NPAS3: variants seen among roughly 807,000 people sequenced by gnomAD.
NPAS3 encodes the protein neuronal PAS domain protein 3.
In NPAS3, 14 loss-of-function variants were observed where a neutral mutation model predicts 73.1. That is an observed-to-expected ratio of 0.19 (90% CI 0.13 to 0.30). The LOEUF is 0.30. Ranked by LOEUF, NPAS3 falls within the 10% of genes least tolerant of loss-of-function variation. The pLI is 1.00. For missense variants in NPAS3, 1,096 were observed against 1,250.0 expected (o/e 0.88, Z 1.86); for synonymous variants, 620 against 541.5 (o/e 1.14, Z -2.01).
chr14:33,298,079 C>G (rs1325123991), intron 3 of NPAS3, among the ~76,000 whole-genome samples: 4 of 152,002 alleles, frequency 2.6e-5, no homozygotes, highest in Admixed American at 1.3e-4. Flanking sequence ...GTCAGGAGTT[C>G]GAGACCAGCC....
At chr14:33,208,788 G>A (rs1295586955) in intron 2 of NPAS3, among the ~76,000 whole-genome samples, 4 of 152,120 alleles carry the variant, frequency 2.6e-5, no homozygotes, top group African/African-American at 9.7e-5. Flanking sequence ...ATGAAATTTT[G>A]CTGCTATGTT....
chr14:33,481,556 C>A (rs2051325228), intron 4 of NPAS3, among the ~76,000 whole-genome samples: 1 of 152,130 alleles, frequency 6.6e-6, no homozygotes, highest in Non-Finnish European at 1.5e-5. Flanking sequence ...TTAATTAGAT[C>A]ATTTACTGAC....
At chr14:33,411,023 CA>C (rs2047899405) in intron 4 of NPAS3, among the ~76,000 whole-genome samples, 1 of 152,172 alleles carries the variant, frequency 6.6e-6, no homozygotes, top group South Asian at 2.1e-4. Context: ...CTCTTGAACC[CA>C]GACTTATCAG....
At chr14:33,485,086 C>T (rs1181328021) in intron 4 of NPAS3, among the ~76,000 whole-genome samples, 1 of 152,070 alleles carries the variant, frequency 6.6e-6, no homozygotes, top group Non-Finnish European at 1.5e-5. Flanking sequence ...TAGGTATAAA[C>T]ACAAAACTAG....
chr14:33,557,080 C>T (rs940674633), intron 4 of NPAS3, among the ~76,000 whole-genome samples: 9 of 152,118 alleles, frequency 5.9e-5, no homozygotes, highest in Middle Eastern at 3.2e-3. Context: ...CAGGAGACAT[C>T]TTGTTTGAGG....
At chr14:33,013,029 T>C (rs1595225241) in intron 1 of NPAS3, among the ~76,000 whole-genome samples, 1 of 152,142 alleles carries the variant, frequency 6.6e-6, no homozygotes, top group East Asian at 1.9e-4. Context: ...TACCCTTGTG[T>C]GAGAGCAAAT....
At chr14:33,683,525 C>G (rs1377921130) in intron 6 of NPAS3, among the ~76,000 whole-genome samples, 3 of 145,442 alleles carry the variant, frequency 2.1e-5, no homozygotes, top group African/African-American at 7.6e-5. Context: ...GAACAAAGTA[C>G]AAGTTATTTG....
intron 3 of NPAS3, among the ~76,000 whole-genome samples, chr14:33,245,623 T>A (rs1359979432): frequency 6.6e-6 from 1 of 152,204 alleles, no homozygotes; most frequent in East Asian, 1.9e-4. Flanking sequence ...GAAATGGATA[T>A]GCTCTATCCA....
At position 33,436,132 on chromosome 14, in the gene NPAS3, T is replaced by C. The variant is rs188619614; in HGVS notation, c.468+68864T>C. Among the ~76,000 whole-genome samples the C allele has an allele frequency of 3.1e-4, 47 of 152,260 alleles. No homozygotes were observed. In the East Asian group the frequency reaches 5.8e-3, roughly 19 times the overall value. ...GCCTGAAGTTGAGTCATCTTAGTCA[T>C]AGAAGGGGAGTGGTGGAAAGAAAGC... On this transcript the variant is annotated intron_variant, in intron 4 of 11. Transcript: ENST00000356141.
chr14:33,433,346 A>G (rs1045690006), intron 4 of NPAS3, among the ~76,000 whole-genome samples: 1 of 152,230 alleles, frequency 6.6e-6, no homozygotes, highest in South Asian at 2.1e-4. Context: ...ACAAGATGGT[A>G]TAGGGAAACC....
chr14:33,274,261 C>T (rs977591244), intron 3 of NPAS3, among the ~76,000 whole-genome samples: 1 of 152,160 alleles, frequency 6.6e-6, no homozygotes, highest in Non-Finnish European at 1.5e-5. Flanking sequence ...TACACAGTTA[C>T]AGTTCACTAT....
rs144675426 is a variant in NPAS3, at chr14:32,955,554, C to A, written c.50+16188C>A. 1.2e-4 allele frequency among the ~76,000 whole-genome samples: 18 copies of A among 152,170 alleles called. No homozygotes were observed. The East Asian group carries it at 3.5e-3, about 29-fold the overall frequency. Reference sequence around the variant, plus strand: ...GATATCCATAACCAATATTGAGGACCATTAACCAAAATGATGGATGATGAA... The same window carrying A: ...GATATCCATAACCAATATTGAGGACAATTAACCAAAATGATGGATGATGAA... On this transcript the variant is annotated intron_variant, in intron 1 of 11. Coordinates refer to ENST00000356141, the Ensembl canonical transcript of NPAS3.
At chr14:32,943,835 C>T (rs1227695962) in intron 1 of NPAS3, among the ~76,000 whole-genome samples, 1 of 152,000 alleles carries the variant, frequency 6.6e-6, no homozygotes, top group Admixed American at 6.6e-5. Context: ...ACTACAGGCA[C>T]ATGCCAATAC....
At chr14:33,628,956 G>C (rs1240523947) in intron 5 of NPAS3, among the ~76,000 whole-genome samples, 1 of 152,324 alleles carries the variant, frequency 6.6e-6, no homozygotes, top group Non-Finnish European at 1.5e-5. Context: ...AGCGGGCCGG[G>C]CGCAGTGGCT....
At chr14:33,275,501 T>C (rs1040890566) in intron 3 of NPAS3, among the ~76,000 whole-genome samples, 7 of 152,218 alleles carry the variant, frequency 4.6e-5, no homozygotes, top group Admixed American at 2.6e-4. Context: ...AACAGTACCC[T>C]GTAGAGAGGG....
chr14:33,005,138 T>C (rs1435548543), intron 1 of NPAS3, among the ~76,000 whole-genome samples: 1 of 152,158 alleles, frequency 6.6e-6, no homozygotes, highest in African/African-American at 2.4e-5. Flanking sequence ...AACCAGTAAC[T>C]TAGTCATTTA....
chr14:33,392,879 G>T, intron 4 of NPAS3, among the ~76,000 whole-genome samples: 1 of 151,938 alleles, frequency 6.6e-6, no homozygotes, highest in East Asian at 1.9e-4. Flanking sequence ...CATAAAATGT[G>T]AACTTGGTTA....
chr14:33,099,169 G>T (rs142206950), intron 2 of NPAS3, among the ~76,000 whole-genome samples: 5 of 152,304 alleles, frequency 3.3e-5, no homozygotes, highest in Admixed American at 6.5e-5. Context: ...TGAGCAGGCA[G>T]CATGGGCACC....
At chr14:33,173,721 G>A (rs2045482056) in intron 2 of NPAS3, among the ~76,000 whole-genome samples, 1 of 152,168 alleles carries the variant, frequency 6.6e-6, no homozygotes, top group South Asian at 2.1e-4. Context: ...ATTCTCTGAT[G>A]AATTTGTACC....
Sources: allele counts gnomAD v4.1 joint callset (sites outside exome capture counted in the v4.1 genomes callset), GRCh38; gene constraint gnomAD v4.1.1; transcripts MANE v1.5; gene names NCBI Gene and HGNC (gene_info 2026-07-23, HGNC 2026-07-21).